HS6ST2: variants seen among roughly 807,000 people sequenced by gnomAD.
The protein encoded by HS6ST2 is heparan-sulfate 6-O-sulfotransferase 2.
A neutral mutation model predicts 33.0 loss-of-function variants in HS6ST2; 17 were observed. The observed-to-expected ratio is 0.52, with a 90% CI of 0.35 to 0.77. HS6ST2 has a LOEUF of 0.77. HS6ST2 is among the 30% of genes least tolerant of loss of function. The pLI, the probability that HS6ST2 is intolerant of heterozygous loss-of-function variation, is 0.01. For synonymous variants in HS6ST2, 248 were observed against 237.1 expected (o/e 1.05, Z -0.42); for missense variants, 519 against 551.7 (o/e 0.94, Z 0.59).
At chrX:132,688,875 T>C (rs779813642) in intron 3 of HS6ST2, among the ~76,000 whole-genome samples, 2 of 112,421 alleles carry the variant, frequency 1.8e-5, no homozygotes, top group South Asian at 3.7e-4. Flanking sequence ...ATCTAAGCTC[T>C]AGCTAATACA....
intron 4 of HS6ST2, among the ~76,000 whole-genome samples, chrX:132,652,457 C>T (rs1034335036): frequency 8.9e-6 from 1 of 111,911 alleles, no homozygotes; most frequent in African/African-American, 3.2e-5. Flanking sequence ...ACAGTGCCTT[C>T]TAACAGGATA....
At chrX:132,769,611 C>T (rs921606595) in intron 2 of HS6ST2, among the ~76,000 whole-genome samples, 1 of 112,335 alleles carries the variant, frequency 8.9e-6, no homozygotes, top group African/African-American at 3.2e-5. Flanking sequence ...CATTATTCAG[C>T]GATGGCACAA....
intron 3 of HS6ST2, among the ~76,000 whole-genome samples, chrX:132,686,419 A>C (rs1344144266): frequency 1.8e-5 from 2 of 112,038 alleles, no homozygotes; most frequent in Non-Finnish European, 3.8e-5. Context: ...ACACAAGCCC[A>C]ATAATTCACT....
chrX:132,875,661 T>C (rs1464064623), intron 2 of HS6ST2, among the ~76,000 whole-genome samples: 2 of 112,227 alleles, frequency 1.8e-5, no homozygotes, highest in Non-Finnish European at 3.8e-5. Flanking sequence ...CCTCGATGAA[T>C]GGCAGGGGAG....
At chrX:132,885,718 GC>G (rs199547409) in intron 2 of HS6ST2, among the ~76,000 whole-genome samples, 4,678 of 111,482 alleles carry the variant, frequency 0.042, 232 homozygotes, top group African/African-American at 0.14. Context: ...GAAGATAGTA[GC>G]CTTAATGGCA....
intron 2 of HS6ST2, among the ~76,000 whole-genome samples, chrX:132,763,624 G>C (rs970719837): frequency 2.7e-5 from 3 of 111,726 alleles, no homozygotes; most frequent in African/African-American, 6.5e-5. Flanking sequence ...TCAGTTTTAG[G>C]CATCATCTTG....
intron 2 of HS6ST2, among the ~76,000 whole-genome samples, chrX:132,708,814 T>TA (rs370456321): frequency 7.2e-5 from 8 of 110,736 alleles, no homozygotes; most frequent in African/African-American, 2.6e-4. Context: ...GGAATCTAGG[T>TA]AAAAAAACAA....
intron 2 of HS6ST2, among the ~76,000 whole-genome samples, chrX:132,833,290 C>T (rs2065608485): frequency 9.0e-6 from 1 of 111,369 alleles, no homozygotes; most frequent in Non-Finnish European, 1.9e-5. Context: ...AAGATTCATT[C>T]ATTGGAATGT....
intron 2 of HS6ST2, among the ~76,000 whole-genome samples, chrX:132,712,590 C>T (rs138406426): frequency 0.019 from 2,124 of 111,873 alleles, 41 homozygotes; most frequent in East Asian, 0.14. Flanking sequence ...TGCTTATGCA[C>T]AGTCCTGAGA....
At chrX:132,931,289 C>A (rs781709339) in intron 2 of HS6ST2, among the ~76,000 whole-genome samples, 2 of 111,375 alleles carry the variant, frequency 1.8e-5, no homozygotes, top group African/African-American at 6.5e-5. Flanking sequence ...CCCCAGGAGA[C>A]CAAGGCCTCC....
chrX:132,649,533 A>C (rs2063672968), intron 4 of HS6ST2, among the ~76,000 whole-genome samples: 1 of 112,255 alleles, frequency 8.9e-6, no homozygotes, highest in Non-Finnish European at 1.9e-5. Context: ...GCACCATGCT[A>C]AGCATTCTAC....
At chrX:132,852,991 T>C (rs2065818692) in intron 2 of HS6ST2, among the ~76,000 whole-genome samples, 1 of 111,922 alleles carries the variant, frequency 8.9e-6, no homozygotes, top group African/African-American at 3.2e-5. Flanking sequence ...AGTCCTGGGG[T>C]ACAACATAAA....
chrX:132,654,698 G>T (rs1194059566), intron 4 of HS6ST2, among the ~76,000 whole-genome samples: 2 of 111,778 alleles, frequency 1.8e-5, no homozygotes, highest in Non-Finnish European at 3.8e-5. Context: ...GGCATGTGTT[G>T]TATACCTATT....
In HS6ST2 at chrX:132,888,799, C is replaced by T. The variant is rs2066277641; in HGVS notation, c.947+68009G>A. Among the ~76,000 whole-genome samples, 8 of 111,061 alleles carry T rather than the reference C, an allele frequency of 7.2e-5. No individual in the cohort carries two copies. The South Asian group carries it at 3.1e-3, about 43-fold the overall frequency. Reference sequence around the variant, plus strand: ...GATTACAGGTGTGAGCCAACGTGTCCTGCCACAATTGGTAGATTTTATGGT... The same window carrying T: ...GATTACAGGTGTGAGCCAACGTGTCTTGCCACAATTGGTAGATTTTATGGT... On this transcript the variant is annotated intron_variant, in intron 2 of 4. Transcript: ENST00000370833.
intron 2 of HS6ST2, among the ~76,000 whole-genome samples, chrX:132,839,740 T>C (rs757731162): frequency 9.0e-6 from 1 of 110,941 alleles, no homozygotes; most frequent in African/African-American, 3.3e-5. Flanking sequence ...TTGTTCAAGA[T>C]GATAAGGATC....
chrX:132,645,578 A>C lies in HS6ST2; in HGVS notation c.1068-16485T>G, dbSNP rs186529457. Among the ~76,000 whole-genome samples the C allele has an allele frequency of 3.6e-5, 4 of 112,108 alleles. No individual in the cohort carries two copies. The Admixed American group carries it at 3.8e-4, about 11-fold the overall frequency. ...TCCTTCCATTTAACATTCATGAGTT[A>C]AGGTGTTACTAGAAATGCACGCAGG... On this transcript the variant is annotated intron_variant, in intron 4 of 4. Transcript: ENST00000370833.
chrX:132,866,586 C>T (rs1478404181), intron 2 of HS6ST2, among the ~76,000 whole-genome samples: 7 of 81,901 alleles, frequency 8.5e-5, no homozygotes, highest in Non-Finnish European at 1.6e-4. Context: ...GCCATTTTCA[C>T]GATATTGATT....
intron 2 of HS6ST2, among the ~76,000 whole-genome samples, chrX:132,832,118 A>G (rs2065596234): frequency 8.9e-6 from 1 of 111,754 alleles, no homozygotes; most frequent in Non-Finnish European, 1.9e-5. Flanking sequence ...TATGACGTTC[A>G]CTTGCAAAAG....
chrX:132,948,397 C>A (rs957154816), intron 2 of HS6ST2, among the ~76,000 whole-genome samples: 3 of 112,075 alleles, frequency 2.7e-5, no homozygotes, highest in Non-Finnish European at 5.6e-5. Flanking sequence ...ATAACAAGTT[C>A]GAAACTATTG....
Sources: gnomAD v4.1 joint callset for allele counts (sites outside exome capture counted in the v4.1 genomes callset) on GRCh38, gnomAD v4.1.1 for gene constraint, MANE v1.5 for transcripts, NCBI Gene and HGNC (gene_info 2026-07-23, HGNC 2026-07-21) for gene names.